CRB2: variants seen among roughly 807,000 people sequenced by gnomAD.
CRB2 encodes protein crumbs homolog 2.
A neutral mutation model predicts 110.9 loss-of-function variants in CRB2; 85 were observed. That is an observed-to-expected ratio of 0.77 (90% CI 0.64 to 0.92). CRB2 has a LOEUF of 0.92. Ranked by LOEUF, CRB2 falls within the 40% of genes least tolerant of loss-of-function variation. The probability of loss-of-function intolerance (pLI) is 0.00; values close to 1 mark genes in which losing one functional copy is unlikely to be tolerated. For missense variants in CRB2, 1,843 were observed against 1,851.3 expected, an observed-to-expected ratio of 1.00 and a Z score of 0.08; for synonymous variants, 907 against 831.0, an observed-to-expected ratio of 1.09 and a Z score of -1.57.
intron 2 of CRB2, 63 bp downstream of exon 2, chr9:123,363,251 G>A: frequency 2.0e-6 from 3 of 1,493,110 alleles, no homozygotes; most frequent in South Asian, 2.6e-5. Context: ...TGCTCAGAGT[G>A]TAAGCATCAT....
rs763374681 is a variant in CRB2 at position 123,370,736 on chromosome 9, G to A, written c.1683G>A (p.Pro561=). The stretch of plus-strand genomic sequence containing the variant: ...TGGCTTCCACGGCTTCGGCAACTCC[G>A]CTGCCTGCCGGGATCTCCTCTGCCC... ...VALASTASAT[P]LPAGISSAQL... The change falls in exon 7 of 13, where the codon CCG becomes CCA. Residue 561 remains proline (P), a synonymous_variant. Transcript: ENST00000373631. The A allele has an allele frequency of 7.5e-6, 12 of 1,602,868 alleles. No homozygotes were observed. The highest frequency in any genetic ancestry group is 2.2e-5 in the South Asian group (2 of 91,064).
At chr9:123,365,826 A>C in intron 2 of CRB2, 91 bp from the exon 3 acceptor site, 1 of 1,139,782 alleles carries the variant, frequency 8.8e-7, no homozygotes. Context: ...TGAATCCACG[A>C]GTCTCTAACT....
rs868451544 is a variant in CRB2 at position 123,377,215 on chromosome 9, G to A, written c.*153G>A. 1 of 706,722 alleles carries A rather than the reference G, an allele frequency of 1.4e-6. No homozygotes were observed. Among genetic ancestry groups the A allele is most frequent in the South Asian group, 2.0e-5 (1 of 49,718 alleles). The allele number at this position is 706,722 out of a possible 1,614,324, so 43.8% of individuals were successfully genotyped here. A position where few individuals can be genotyped will look rare whatever the true frequency, so the allele number is the denominator to read the frequency against. On this transcript the variant is annotated 3_prime_UTR_variant, in exon 13 of 13. Transcript: ENST00000373631. ...CTGCCTCTGCCCCATCCTGGATGGA[G>A]GACGAGGGGAGCAACTCAGGGAAAC...
At chr9:123,367,748 C>G in intron 6 of CRB2, 62 bp downstream of exon 6, 1 of 1,133,640 alleles carries the variant, frequency 8.8e-7, no homozygotes, top group Middle Eastern at 2.0e-4. Flanking sequence ...TGAGAAGGTC[C>G]CTTCTGTCTG....
intron 2 of CRB2, among the ~76,000 whole-genome samples, chr9:123,364,388 G>A (rs113391905): frequency 3.0e-5 from 2 of 67,546 alleles, no homozygotes; most frequent in East Asian, 4.7e-4. Flanking sequence ...TTGTGCATCC[G>A]GATGTGTAGC....
chr9:123,371,244 G>C lies in CRB2; in HGVS notation c.2102G>C (p.Ser701Thr), dbSNP rs150435361. 6.2e-7 allele frequency: 1 copy of C among 1,613,974 alleles called. No homozygotes were observed. The highest frequency in any genetic ancestry group is 8.5e-7 in the Non-Finnish European group (1 of 1,180,034). Residue 701 changes from serine to threonine, a missense_variant, in exon 8 of 13, where the codon AGT becomes ACT. By Grantham distance (58) the Ser-to-Thr change is moderately conservative (BLOSUM62 1). Transcript: ENST00000373631. ...DSAAGLTVFL[S>T]EGRIRAEVPG... ...GCAGCTGGCCTAACAGTATTCCTGAGTGAGGGTCGGATCCGGGCTGAGGTG... is the reference window on the plus strand; with the variant it reads ...GCAGCTGGCCTAACAGTATTCCTGACTGAGGGTCGGATCCGGGCTGAGGTG...
rs2042118173 is a variant in CRB2, at chr9:123,377,314, T to C, written c.*252T>C. 2.0e-6 allele frequency: 1 copy of C among 505,798 alleles called. No homozygotes were observed. Among genetic ancestry groups the C allele is most frequent in the East Asian group, 3.2e-5 (1 of 31,116 alleles). 31.3% of individuals were successfully genotyped at this position (505,798 alleles called of 1,614,324 possible). A position where few individuals can be genotyped will look rare whatever the true frequency, so the allele number is the denominator to read the frequency against. ...GCCTTGGCAGGTGTACGGCTGTGCG[T>C]GGGAGGGCACACGTGGGTTCACAGT... is the stretch of plus-strand genomic sequence containing the variant. On this transcript the variant is annotated 3_prime_UTR_variant, in exon 13 of 13. Coordinates refer to ENST00000373631, the MANE Select transcript of CRB2 (RefSeq NM_173689.7).
At chr9:123,367,417 G>GGGGGC in intron 5 of CRB2, 60 bp downstream of exon 5, 4 of 1,269,260 alleles carry the variant, frequency 3.2e-6, no homozygotes, top group Non-Finnish European at 3.1e-6. Flanking sequence ...GGGATCTTGT[G>GGGGGC]CCCACCCCCC....
At chr9:123,355,583 G>A (rs945072387), upstream of CRB2, among the ~76,000 whole-genome samples, 1 of 149,446 alleles carries the variant, frequency 6.7e-6, no homozygotes, top group Non-Finnish European at 1.5e-5. Context: ...GTGGGACGGG[G>A]TGGGGACAGC....
chr9:123,356,538 G>A lies in CRB2; in HGVS notation c.94+184G>A, dbSNP rs79961016. ...TCTGTGGGGCTCCACGGAGGTGAGT[G>A]TGTTCTGAGGCTCGGGGCTGTTTCA... On this transcript the variant is annotated intron_variant, in intron 1 of 12. Transcript: ENST00000373631. Among the ~76,000 whole-genome samples, 1,219 of 148,658 alleles carry A rather than the reference G, an allele frequency of 8.2e-3. 20 individuals are homozygous for A. Among genetic ancestry groups the A allele is most frequent in the African/African-American group, 0.029 (1,157 of 40,188 alleles).
chr9:123,371,289 T>C lies in CRB2; in HGVS notation c.2147T>C (p.Val716Ala). 6.2e-7 allele frequency: 1 copy of C among 1,613,648 alleles called. No homozygotes were observed. Among genetic ancestry groups the C allele is most frequent in the East Asian group, 2.2e-5 (1 of 44,882 alleles). The change falls in exon 8 of 13, where the codon GTG (valine) becomes GCG (alanine). Residue 716 changes from valine (V) to alanine (A), a missense_variant. Val to Ala is a moderately conservative substitution (Grantham distance 64). Transcript: ENST00000373631. ...RAEVPGSPAV[V>A]LPGRWDDGLR... The stretch of plus-strand genomic sequence containing the variant: ...GAGGTGCCGGGCAGTCCTGCTGTAG[T>C]GCTCCCTGGGCGCTGGGATGATGGG...
Position 123,374,608 on chromosome 9 carries a change from T to C in CRB2, c.3419T>C (p.Leu1140Pro), listed in dbSNP as rs746149021. 14 of 1,613,506 alleles carry C rather than the reference T, an allele frequency of 8.7e-6. No homozygotes were observed. The highest frequency in any genetic ancestry group is 2.2e-5 in the East Asian group (1 of 44,862). The change falls in exon 11 of 13, where the codon CTG (leucine) becomes CCG (proline). Residue 1140 changes from leucine (L) to proline (P), a missense_variant. Transcript: ENST00000373631. ...RLPVPSKECS[L>P]NVTCLDGSPC... The stretch of plus-strand genomic sequence containing the variant: ...CCTGTCCCATCCAAGGAGTGCAGCC[T>C]GAATGTCACCTGCCTCGATGGCAGC...
upstream of CRB2, among the ~76,000 whole-genome samples, chr9:123,354,283 AGAG>A (rs1286998406): frequency 6.6e-6 from 1 of 152,232 alleles, no homozygotes; most frequent in Admixed American, 6.5e-5. Context: ...GCCGGGCTGC[AGAG>A]GAGACTGGAC....
intron 12 of CRB2, among the ~76,000 whole-genome samples, chr9:123,376,435 C>T (rs1479920468): frequency 1.3e-5 from 2 of 152,184 alleles, no homozygotes; most frequent in East Asian, 3.9e-4. Flanking sequence ...CCCTGCCACC[C>T]TGCCCCCGCA....
chr9:123,376,870 G>A lies in CRB2; in HGVS notation c.3666G>A (p.Leu1222=). 2 of 1,609,652 alleles carry A rather than the reference G, an allele frequency of 1.2e-6. No individual in the cohort carries two copies. The highest frequency in any genetic ancestry group is 1.7e-6 in the Non-Finnish European group (2 of 1,179,296). The change falls in exon 13 of 13, where the codon CTG becomes CTA. Residue 1222 remains leucine (L), a synonymous_variant. Transcript: ENST00000373631. ...TGCCCCTGCCGCTGCCATTCCCACT[G>A]CTGGAGGTGGCCGTACCTGCAGCCT... ...KGLPLPLPFP[L]LEVAVPAACA...
chr9:123,355,728 T>TG (rs2041790047), upstream of CRB2, among the ~76,000 whole-genome samples: 1 of 13,702 alleles, frequency 7.3e-5, no homozygotes, highest in South Asian at 2.1e-3. Context: ...GAGCAGCAGG[T>TG]GGGGGGACGA....
In CRB2 at chr9:123,377,655, C is replaced by CA. The variant is rs1564381448; in HGVS notation, c.*594dup. On this transcript the variant is annotated 3_prime_UTR_variant, in exon 13 of 13. Coordinates refer to ENST00000373631, the MANE Select transcript of CRB2 (RefSeq NM_173689.7). Reference sequence around the variant, plus strand: ...CCTGCTGTGGAGGCAGCTGGGAAGTCAGGGAAGGCCACTAGCAGAGGCTGA... The same window carrying CA: ...CCTGCTGTGGAGGCAGCTGGGAAGTCAAGGGAAGGCCACTAGCAGAGGCTGA... The CA allele has an allele frequency of 1.3e-5, 2 of 152,274 alleles. No individual in the cohort carries two copies. Among genetic ancestry groups the CA allele is most frequent in the East Asian group, 3.8e-4 (2 of 5,202 alleles). 9.4% of individuals were successfully genotyped at this position (152,274 alleles called of 1,614,324 possible). A position where few individuals can be genotyped will look rare whatever the true frequency, so the allele number is the denominator to read the frequency against.
intron 4 of CRB2, 109 bp downstream of exon 4, chr9:123,366,475 C>G (rs1164148039): frequency 7.5e-7 from 1 of 1,331,900 alleles, no homozygotes; most frequent in Non-Finnish European, 9.8e-7. Flanking sequence ...CCGCTGGGTC[C>G]TCGGGACCAG....
At chr9:123,366,404 G>T in intron 4 of CRB2, 38 bp downstream of exon 4, 1 of 1,517,410 alleles carries the variant, frequency 6.6e-7, no homozygotes, top group African/African-American at 1.4e-5. Flanking sequence ...CGGGGGGAGG[G>T]GTAGGTGTGC....
Sources: allele counts gnomAD v4.1 joint callset (sites outside exome capture counted in the v4.1 genomes callset), GRCh38; gene constraint gnomAD v4.1.1; transcripts MANE v1.5; gene names NCBI Gene and HGNC (gene_info 2026-07-23, HGNC 2026-07-21).